MCM8: variants seen among roughly 807,000 people sequenced by gnomAD.
The protein encoded by MCM8 is DNA helicase MCM8.
A neutral mutation model predicts 98.9 loss-of-function variants in MCM8; 85 were observed. That is an observed-to-expected ratio of 0.86 (90% CI 0.72 to 1.03). The LOEUF is 1.03. Ranked by LOEUF, MCM8 falls within the 50% of genes least tolerant of loss-of-function variation. The pLI is 0.00. For synonymous variants in MCM8, 352 were observed against 338.6 expected (o/e 1.04, Z -0.44); for missense variants, 951 against 997.8 (o/e 0.95, Z 0.63).
Position 5,985,151 on chromosome 20 carries a change from A to G in MCM8, c.1953+151A>G, listed in dbSNP as rs1600300848. The stretch of plus-strand genomic sequence containing the variant: ...TAGAGTTTACGTAAACTTCATCTGA[A>G]ATAATCCAAGTCGGCCTGGCGTGGT... On this transcript the variant is annotated intron_variant, in intron 15 of 18. Transcript: ENST00000610722. 3 of 675,006 alleles carry G rather than the reference A, an allele frequency of 4.4e-6. No individual in the cohort carries two copies. The East Asian group carries it at 8.2e-5, about 19-fold the overall frequency. The allele number at this position is 675,006 out of a possible 1,614,324, so 41.8% of individuals were successfully genotyped here.
intron 12 of MCM8, among the ~76,000 whole-genome samples, chr20:5,975,576 A>C (rs2122760008): frequency 6.7e-6 from 1 of 149,126 alleles, no homozygotes; most frequent in East Asian, 2.0e-4. Flanking sequence ...GGCTCACTGC[A>C]AGCTCCGCCT....
At position 5,955,286 on chromosome 20, in the gene MCM8, CTT is replaced by C. The variant is rs747999294; in HGVS notation, c.486+40_486+41del. 2.3e-5 allele frequency: 36 copies of C among 1,595,468 alleles called. No individual in the cohort carries two copies. The South Asian group carries it at 3.6e-4, about 16-fold the overall frequency. ...TGTCTTATGCATACTTTTGTCTAAA[CTT>C]TTTTAATGTTTGCACACACATGCAC... On this transcript the variant is annotated intron_variant, in intron 5 of 18. Transcript: ENST00000610722.
In MCM8 at chr20:5,967,610, A is replaced by G. The variant is rs758725784; in HGVS notation, c.1027+23A>G. ...AAGGTAGGGTACAACTCTTTTCATTATTTGTCTCTCAATAATGATTCATCA... is the reference window on the plus strand; with the variant it reads ...AAGGTAGGGTACAACTCTTTTCATTGTTTGTCTCTCAATAATGATTCATCA... On this transcript the variant is annotated intron_variant, in intron 9 of 18. Coordinates refer to ENST00000610722, the MANE Select transcript of MCM8 (RefSeq NM_032485.6). The G allele has an allele frequency of 5.6e-5, 89 of 1,589,134 alleles. 2 individuals are homozygous for G. In the Middle Eastern group the frequency reaches 1.7e-3, roughly 30 times the overall value.
intron 5 of MCM8, among the ~76,000 whole-genome samples, chr20:5,956,793 A>C (rs997881324): frequency 6.6e-6 from 1 of 151,908 alleles, no homozygotes; most frequent in Non-Finnish European, 1.5e-5. Context: ...GAATATAGAG[A>C]AATAGGAATG....
In MCM8 at chr20:5,993,631, G is replaced by T; in HGVS notation, c.2366G>T (p.Arg789Ile). The T allele has an allele frequency of 6.2e-7, 1 of 1,611,846 alleles. No individual in the cohort carries two copies. Among genetic ancestry groups the T allele is most frequent in the Non-Finnish European group, 8.5e-7 (1 of 1,178,530 alleles). ...FISALNNVAE[R>I]TYNNIFQFHQ... ...TCTGCTCTCAACAACGTTGCTGAAA[G>T]AACTTATAATAATATATTTCAATTT... The change falls in exon 18 of 19, where the codon AGA becomes ATA. Residue 789 changes from arginine to isoleucine, a missense_variant. Transcript: ENST00000610722.
chr20:5,952,208 C>G (rs953124876), intron 2 of MCM8, 45 bp downstream of exon 2: 1 of 1,603,642 alleles, frequency 6.2e-7, no homozygotes, highest in South Asian at 1.1e-5. Context: ...CTTAAGGAAG[C>G]AATTCACGTC....
At chr20:5,959,781 C>T (rs944417713) in intron 7 of MCM8, among the ~76,000 whole-genome samples, 1 of 149,668 alleles carries the variant, frequency 6.7e-6, no homozygotes. Context: ...TCACCGCAAC[C>T]TCCGCCTCCT....
chr20:5,954,751 A>G (rs2088928778), intron 4 of MCM8, 61 bp downstream of exon 4: 3 of 999,366 alleles, frequency 3.0e-6, no homozygotes, highest in Middle Eastern at 2.1e-4. Flanking sequence ...TATTCGAGGT[A>G]CTTGTGATTA....
chr20:5,955,338 T>C (rs925868232), intron 5 of MCM8, 87 bp downstream of exon 5: 41 of 1,257,068 alleles, frequency 3.3e-5, no homozygotes, highest in Non-Finnish European at 4.1e-5. Flanking sequence ...TAAAGGAAGA[T>C]TTTACAGTGA....
At chr20:5,954,978 G>C in intron 4 of MCM8, 124 bp from the exon 5 acceptor site, 1 of 694,054 alleles carries the variant, frequency 1.4e-6, no homozygotes, top group South Asian at 2.1e-5. Context: ...TTATACTTAT[G>C]TCATACTTAC....
At chr20:5,972,934 A>G in intron 11 of MCM8, 122 bp from the exon 12 acceptor site, 7 of 1,372,628 alleles carry the variant, frequency 5.1e-6, no homozygotes, top group Non-Finnish European at 6.8e-6. Context: ...CTTAGAAAAA[A>G]ATTATCATGC....
intron 10 of MCM8, among the ~76,000 whole-genome samples, chr20:5,971,602 A>G (rs2089404793): frequency 6.6e-6 from 1 of 152,212 alleles, no homozygotes; most frequent in African/African-American, 2.4e-5. Flanking sequence ...AGTATTATAT[A>G]CTGAGTTCAC....
intron 13 of MCM8, among the ~76,000 whole-genome samples, chr20:5,980,700 T>C (rs1439006289): frequency 1.3e-5 from 2 of 152,020 alleles, no homozygotes; most frequent in Non-Finnish European, 2.9e-5. Context: ...GGCAAAACCC[T>C]GTCTCTACTA....
Position 5,984,809 on chromosome 20 carries a change from G to A in MCM8, c.1762G>A (p.Asp588Asn). The A allele has an allele frequency of 6.2e-7, 1 of 1,613,614 alleles. No individual in the cohort carries two copies. The highest frequency in any genetic ancestry group is 8.5e-7 in the Non-Finnish European group (1 of 1,179,654). Residue 588 changes from aspartate to asparagine, a missense_variant, in exon 15 of 19, where the codon GAT (aspartate) becomes AAT (asparagine). Coordinates refer to ENST00000610722, the MANE Select transcript of MCM8 (RefSeq NM_032485.6). ...KMGSALLSRF[D>N]LVFILLDTPN... ...GGGGAGTGCACTACTATCCAGATTT[G>A]ATTTGGTCTTTATCCTGTTAGATAC...
At chr20:5,954,984 C>CT in intron 4 of MCM8, 118 bp from the exon 5 acceptor site, 1 of 715,422 alleles carries the variant, frequency 1.4e-6, no homozygotes, top group South Asian at 2.0e-5. Context: ...TTATGTCATA[C>CT]TTACCATTAT....
In MCM8 at chr20:5,963,257, A is replaced by C; in HGVS notation, c.790-17A>C. On this transcript the variant is annotated splice_polypyrimidine_tract_variant and intron_variant, in intron 7 of 18. Transcript: ENST00000610722. Reference sequence around the variant, plus strand: ...GTTTATCAAAATCTGAATGTGAATTACTTTTGTTTCATTCAGTGTCCTGTG... The same window carrying C: ...GTTTATCAAAATCTGAATGTGAATTCCTTTTGTTTCATTCAGTGTCCTGTG... 1 of 1,584,948 alleles carries C rather than the reference A, an allele frequency of 6.3e-7. No homozygotes were observed. Among genetic ancestry groups the C allele is most frequent in the Non-Finnish European group, 8.7e-7 (1 of 1,153,656 alleles).
At position 5,996,279 on chromosome 20, in the gene MCM8, GA is replaced by G. The variant is rs35939975; in HGVS notation, c.*1902del. The G allele has an allele frequency of 0.06, 7,216 of 119,396 alleles. 276 individuals carry two copies. Among genetic ancestry groups the G allele is most frequent in the African/African-American group, 0.12 (4,274 of 35,630 alleles). The allele number at this position is 119,396 out of a possible 1,614,324, so 7.4% of individuals were successfully genotyped here. On this transcript the variant is annotated 3_prime_UTR_variant, in exon 19 of 19. Transcript: ENST00000610722. ...AGAGAGCAAGACCTTGTCTCTTAAA[GA>G]AAAAAAAAAAAAATGGAGAAAGTAG...
Position 5,972,038 on chromosome 20 carries a change from G to A in MCM8, c.1254+1G>A. The A allele has an allele frequency of 1.2e-6, 2 of 1,609,594 alleles. No homozygotes were observed. Among genetic ancestry groups the A allele is most frequent in the Non-Finnish European group, 1.7e-6 (2 of 1,177,302 alleles). ...TTGCCCTGTCATTTTTGGTCATGAA[G>A]TAAGTATTTTACTTCATCTTTACTC... is the stretch of plus-strand genomic sequence containing the variant. On this transcript the variant is annotated splice_donor_variant, in intron 11 of 18. Coordinates refer to ENST00000610722, the MANE Select transcript of MCM8 (RefSeq NM_032485.6). LOFTEE classifies it high-confidence loss of function.
At chr20:5,959,519 T>G (rs2089081024) in intron 7 of MCM8, among the ~76,000 whole-genome samples, 1 of 152,186 alleles carries the variant, frequency 6.6e-6, no homozygotes, top group Non-Finnish European at 1.5e-5. Context: ...TATCAAATTC[T>G]TTCATTTTTA....
Sources: allele counts gnomAD v4.1 joint callset (sites outside exome capture counted in the v4.1 genomes callset), GRCh38; gene constraint gnomAD v4.1.1; transcripts MANE v1.5; gene names NCBI Gene and HGNC (gene_info 2026-07-23, HGNC 2026-07-21).